STIMATE: variants seen among roughly 807,000 people sequenced by gnomAD.
The protein encoded by STIMATE is STIM activating enhancer.
In STIMATE, 15 loss-of-function variants were observed where a neutral mutation model predicts 36.7. That is an observed-to-expected ratio of 0.41 (90% CI 0.27 to 0.63). The LOEUF is 0.63. STIMATE is among the 20% of genes least tolerant of loss of function. STIMATE has a pLI of 0.32. For synonymous variants in STIMATE, 163 were observed against 162.3 expected (o/e 1.00, Z -0.03); for missense variants, 305 against 397.3 (o/e 0.77, Z 1.98).
chr3:52,840,696 TC>T, intron 7 of STIMATE, 86 bp from the exon 8 acceptor site: 1 of 1,157,168 alleles, frequency 8.6e-7, no homozygotes, highest in Non-Finnish European at 1.2e-6. Context: ...CCTTCAAGTC[TC>T]ATGTTTTTTT....
chr3:52,847,934 G>T (rs886618694), intron 4 of STIMATE, among the ~76,000 whole-genome samples: 3 of 152,164 alleles, frequency 2.0e-5, no homozygotes, highest in Admixed American at 1.3e-4. Flanking sequence ...AGGAGGGGCC[G>T]CGAGCCAAGG....
chr3:52,892,736 T>C (rs1701802028), intron 1 of STIMATE, among the ~76,000 whole-genome samples: 1 of 152,192 alleles, frequency 6.6e-6, no homozygotes, highest in Non-Finnish European at 1.5e-5. Flanking sequence ...AAGATGTACC[T>C]TTACGAGGGA....
intron 1 of STIMATE, among the ~76,000 whole-genome samples, chr3:52,882,994 A>G (rs1701634155): frequency 6.6e-6 from 1 of 152,212 alleles, no homozygotes; most frequent in Non-Finnish European, 1.5e-5. Flanking sequence ...GTTTTTAACT[A>G]AAGAAAGCAA....
chr3:52,892,401 T>C (rs1429498464), intron 1 of STIMATE, among the ~76,000 whole-genome samples: 1 of 152,150 alleles, frequency 6.6e-6, no homozygotes, highest in Non-Finnish European at 1.5e-5. Context: ...CTGAAAACTT[T>C]CTAAAAATGA....
intron 1 of STIMATE, among the ~76,000 whole-genome samples, chr3:52,859,531 A>AAAAAAAAT (rs748928249): frequency 1.6e-4 from 3 of 18,826 alleles, no homozygotes; most frequent in African/African-American, 2.5e-4. Context: ...AAAAAAAAAA[A>AAAAAAAAT]TTTTTTTTTT....
intron 3 of STIMATE, among the ~76,000 whole-genome samples, chr3:52,851,092 G>C (rs1468520216): frequency 6.6e-6 from 1 of 152,252 alleles, no homozygotes; most frequent in South Asian, 2.1e-4. Context: ...GGAGTGAGAG[G>C]AGGAGGCTCT....
chr3:52,840,452 C>A lies in STIMATE; in HGVS notation c.*42G>T, dbSNP rs367728716. The A allele has an allele frequency of 1.2e-6, 2 of 1,600,782 alleles. No homozygotes were observed. The highest frequency in any genetic ancestry group is 1.7e-6 in the Non-Finnish European group (2 of 1,170,464). On this transcript the variant is annotated 3_prime_UTR_variant, in exon 8 of 8. Coordinates refer to ENST00000355083, the MANE Select transcript of STIMATE (RefSeq NM_198563.5). ...CTGCGGGATGACCTCTGCACACCAG[C>A]GGCTGGCGGGGCCCTCCCGTCACCC...
chr3:52,859,421 C>T (rs1340993918), intron 1 of STIMATE, among the ~76,000 whole-genome samples: 2 of 117,904 alleles, frequency 1.7e-5, no homozygotes, highest in African/African-American at 6.4e-5. Flanking sequence ...AATCCCAGCA[C>T]TTTGGGAGGC....
rs939170498 is a variant in STIMATE at position 52,838,001 on chromosome 3, C to T, written c.*2493G>A. On this transcript the variant is annotated 3_prime_UTR_variant, in exon 8 of 8. Coordinates refer to ENST00000355083, the MANE Select transcript of STIMATE (RefSeq NM_198563.5). Reference sequence around the variant, plus strand: ...GTGTGTACATGTGTGTGCACGTGCACGTGCACACACACACACAAACACACA... The same window carrying T: ...GTGTGTACATGTGTGTGCACGTGCATGTGCACACACACACACAAACACACA... 25 of 6,320 alleles carry T rather than the reference C, an allele frequency of 4.0e-3. No individual in the cohort carries two copies. Among genetic ancestry groups the T allele is most frequent in the Admixed American group, 0.036 (4 of 112 alleles). The allele number at this position is 6,320 out of a possible 1,614,324, so 0.4% of individuals were successfully genotyped here. A position where few individuals can be genotyped will look rare whatever the true frequency, so the allele number is the denominator to read the frequency against.
intron 6 of STIMATE, chr3:52,843,254 G>C (rs11720228): frequency 1.1e-5 from 5 of 452,776 alleles, no homozygotes; most frequent in Non-Finnish European, 1.6e-5. Flanking sequence ...CTCTGGACAC[G>C]CGTTCCAGGC....
intron 1 of STIMATE, among the ~76,000 whole-genome samples, chr3:52,893,829 C>T (rs563859752): frequency 2.4e-4 from 36 of 152,340 alleles, no homozygotes; most frequent in African/African-American, 8.4e-4. Flanking sequence ...ATTCTGTCTA[C>T]ACTTCAGCCC....
At chr3:52,896,315 A>C (rs1022366523) in intron 1 of STIMATE, among the ~76,000 whole-genome samples, 1 of 152,216 alleles carries the variant, frequency 6.6e-6, no homozygotes, top group African/African-American at 2.4e-5. Context: ...AGAACAAGTC[A>C]TTTTTGGAAT....
intron 1 of STIMATE, among the ~76,000 whole-genome samples, chr3:52,878,199 T>G (rs751116029): frequency 1.3e-5 from 2 of 152,018 alleles, no homozygotes; most frequent in Non-Finnish European, 2.9e-5. Context: ...TACCATAATG[T>G]GGCCTGGTGG....
chr3:52,866,709 G>A (rs1336894551), intron 1 of STIMATE, among the ~76,000 whole-genome samples: 2 of 152,222 alleles, frequency 1.3e-5, no homozygotes, highest in Non-Finnish European at 2.9e-5. Flanking sequence ...GTCCTCCTCA[G>A]AGCCCGATCT....
At chr3:52,883,397 G>C (rs1209615559) in intron 1 of STIMATE, among the ~76,000 whole-genome samples, 1 of 152,164 alleles carries the variant, frequency 6.6e-6, no homozygotes, top group Admixed American at 6.5e-5. Context: ...TTTTGCAACA[G>C]TCTGATTATG....
At chr3:52,865,382 C>A (rs1248734966) in intron 1 of STIMATE, among the ~76,000 whole-genome samples, 1 of 152,192 alleles carries the variant, frequency 6.6e-6, no homozygotes, top group African/African-American at 2.4e-5. Flanking sequence ...TTCAGCAATG[C>A]CCCACTCTAC....
chr3:52,854,355 C>T (rs1701056117), intron 2 of STIMATE, among the ~76,000 whole-genome samples: 1 of 152,174 alleles, frequency 6.6e-6, no homozygotes, highest in Admixed American at 6.5e-5. Flanking sequence ...GAACTTTCAG[C>T]CCTAATCCCC....
In STIMATE at chr3:52,876,753, T is replaced by A. The variant is rs181270772; in HGVS notation, c.160+20538A>T. On this transcript the variant is annotated intron_variant, in intron 1 of 7. Transcript: ENST00000355083. ...AAGAATACCATATATAATACATATA[T>A]AAAATATGTGTTAATTGGCTGTTTA... 5.2e-3 allele frequency among the ~76,000 whole-genome samples: 795 copies of A among 152,322 alleles called. 25 individuals carry two copies. Among genetic ancestry groups the A allele is most frequent in the Admixed American group, 0.044 (679 of 15,302 alleles).
rs959008443 is a variant in STIMATE at position 52,875,018 on chromosome 3, G to T, written c.161-19574C>A. 2.6e-5 allele frequency among the ~76,000 whole-genome samples: 4 copies of T among 152,278 alleles called. No individual in the cohort carries two copies. The East Asian group carries it at 7.7e-4, about 29-fold the overall frequency. On this transcript the variant is annotated intron_variant, in intron 1 of 7. Coordinates refer to ENST00000355083, the MANE Select transcript of STIMATE (RefSeq NM_198563.5). ...CAGCAGGCAGAACTCACGAGAGACG[G>T]AAAATGCGCCACTTTAGTCTGCAAC...
Sources: gnomAD v4.1 joint callset for allele counts (sites outside exome capture counted in the v4.1 genomes callset) on GRCh38, gnomAD v4.1.1 for gene constraint, MANE v1.5 for transcripts, NCBI Gene and HGNC (gene_info 2026-07-23, HGNC 2026-07-21) for gene names.